Variants in ADAMTS3 observed in about 807,000 individuals in gnomAD.
ADAMTS3 encodes ADAM metallopeptidase with thrombospondin type 1 motif 3, also known as A disintegrin and metalloproteinase with thrombospondin motifs 3.
In ADAMTS3, 73 loss-of-function variants were observed where a neutral mutation model predicts 129.0. The observed-to-expected ratio is 0.57, with a 90% CI of 0.47 to 0.69. The LOEUF (loss-of-function observed/expected upper bound fraction) is 0.69. Among genes scored for constraint, ADAMTS3 ranks in the 30% least tolerant of loss-of-function variants. ADAMTS3 has a pLI of 0.00. For synonymous variants in ADAMTS3, 477 were observed against 510.8 expected, an observed-to-expected ratio of 0.93 and a Z score of 0.89; for missense variants, 1,457 against 1,514.5, an observed-to-expected ratio of 0.96 and a Z score of 0.63.
At chr4:72,465,711 T>G (rs1327366147) in intron 3 of ADAMTS3, among the ~76,000 whole-genome samples, 1 of 151,380 alleles carries the variant, frequency 6.6e-6, no homozygotes, top group South Asian at 2.1e-4. Context: ...GTTGATATGG[T>G]TTCCCTGTGT....
chr4:72,284,948 C>A (rs183524028), intron 21 of ADAMTS3, among the ~76,000 whole-genome samples: 1 of 152,166 alleles, frequency 6.6e-6, no homozygotes, highest in Non-Finnish European at 1.5e-5. Context: ...GAGTAGCATC[C>A]CTGCATATGT....
At position 72,319,412 on chromosome 4, in the gene ADAMTS3, G is replaced by A; in HGVS notation, c.1272C>T (p.Val424=). The change falls in exon 9 of 22, where the codon GTC becomes GTT. Residue 424 remains valine (V), a synonymous_variant. Transcript: ENST00000286657. ...RCGDETAMGS[V]MAPLVQAAFH... ...ATGCTGCTTGTACCAAGGGAGCCAT[G>A]ACACTTCCCATAGCAGTCTCATCAC... is the stretch of plus-strand genomic sequence containing the variant. 6.2e-7 allele frequency: 1 copy of A among 1,613,978 alleles called. No individual in the cohort carries two copies. Among genetic ancestry groups the A allele is most frequent in the Non-Finnish European group, 8.5e-7 (1 of 1,179,936 alleles).
chr4:72,454,402 G>A (rs1718488358), intron 3 of ADAMTS3, among the ~76,000 whole-genome samples: 1 of 151,644 alleles, frequency 6.6e-6, no homozygotes, highest in South Asian at 2.1e-4. Flanking sequence ...GCATGTTTGG[G>A]TTTGAACCAC....
intron 3 of ADAMTS3, among the ~76,000 whole-genome samples, chr4:72,504,912 G>C (rs1339438555): frequency 6.6e-6 from 1 of 152,130 alleles, no homozygotes; most frequent in East Asian, 1.9e-4. Flanking sequence ...AATTCCAGAA[G>C]CTCTAATTGA....
intron 4 of ADAMTS3, among the ~76,000 whole-genome samples, chr4:72,375,313 A>G (rs1721109234): frequency 6.6e-6 from 1 of 152,162 alleles, no homozygotes; most frequent in Admixed American, 6.5e-5. Context: ...CATTTCTGGG[A>G]GTTCTGTGTA....
chr4:72,356,246 A>G (rs1311112688), intron 4 of ADAMTS3, among the ~76,000 whole-genome samples: 2 of 151,976 alleles, frequency 1.3e-5, no homozygotes, highest in African/African-American at 4.8e-5. Flanking sequence ...AGCTGTTGCT[A>G]AAGTTTCTAA....
intron 3 of ADAMTS3, among the ~76,000 whole-genome samples, chr4:72,483,236 T>C (rs577015562): frequency 1.3e-5 from 2 of 152,236 alleles, no homozygotes; most frequent in South Asian, 4.2e-4. Flanking sequence ...ACAGTTTATG[T>C]AGAAAATTAT....
intron 3 of ADAMTS3, among the ~76,000 whole-genome samples, chr4:72,516,000 A>T (rs1213734499): frequency 6.6e-6 from 1 of 152,140 alleles, no homozygotes; most frequent in Non-Finnish European, 1.5e-5. Context: ...ATCCATCTTG[A>T]ATTAATTTTT....
chr4:72,361,384 A>T (rs1720723662), intron 4 of ADAMTS3, among the ~76,000 whole-genome samples: 1 of 152,160 alleles, frequency 6.6e-6, no homozygotes, highest in Non-Finnish European at 1.5e-5. Flanking sequence ...GGAAGAAGAT[A>T]AGCATAAGTG....
intron 3 of ADAMTS3, among the ~76,000 whole-genome samples, chr4:72,466,427 C>T (rs781158284): frequency 1.6e-4 from 25 of 152,010 alleles, no homozygotes; most frequent in Admixed American, 5.9e-4. Flanking sequence ...AAAGACACTA[C>T]GGCAACAAGA....
intron 4 of ADAMTS3, among the ~76,000 whole-genome samples, chr4:72,363,478 T>A (rs1720780176): frequency 6.6e-6 from 1 of 152,128 alleles, no homozygotes; most frequent in Non-Finnish European, 1.5e-5. Context: ...AATGTAGAAG[T>A]TAATGCAATG....
At chr4:72,400,338 G>GGT (rs1721878569) in intron 4 of ADAMTS3, among the ~76,000 whole-genome samples, 1 of 141,470 alleles carries the variant, frequency 7.1e-6, no homozygotes, top group African/African-American at 2.8e-5. Context: ...ATATACACAC[G>GGT]GTGTGTATAT....
chr4:72,420,953 C>A (rs558880753), intron 3 of ADAMTS3, among the ~76,000 whole-genome samples: 1 of 151,814 alleles, frequency 6.6e-6, no homozygotes, highest in Non-Finnish European at 1.5e-5. Context: ...AAAGTCATAA[C>A]CGCAATGGAT....
At chr4:72,296,186 G>GTAA (rs1718802959) in intron 18 of ADAMTS3, among the ~76,000 whole-genome samples, 1 of 151,992 alleles carries the variant, frequency 6.6e-6, no homozygotes, top group East Asian at 1.9e-4. Context: ...GGAGGGGAAA[G>GTAA]CTTAGAGGAT....
At position 72,480,613 on chromosome 4, in the gene ADAMTS3, T is replaced by C. The variant is rs571740616; in HGVS notation, c.505-65642A>G. Among the ~76,000 whole-genome samples, 9 of 151,798 alleles carry C rather than the reference T, an allele frequency of 5.9e-5. No homozygotes were observed. In the South Asian group the frequency reaches 1.7e-3, roughly 28 times the overall value. ...TAATGCTAAATGACGAGTTAATGGG[T>C]GCAGCACACCAGCATGGCACATGTA... On this transcript the variant is annotated intron_variant, in intron 3 of 21. Transcript: ENST00000286657.
Position 72,361,270 on chromosome 4 carries a change from C to T in ADAMTS3, c.662-21577G>A, listed in dbSNP as rs558017189. On this transcript the variant is annotated intron_variant, in intron 4 of 21. Coordinates refer to ENST00000286657, the MANE Select transcript of ADAMTS3 (RefSeq NM_014243.3). ...TGTAACAATGAAAATTATATTATCT[C>T]ACAAATTGTTATGTGAAATAAATGA... 2.6e-5 allele frequency among the ~76,000 whole-genome samples: 4 copies of T among 152,194 alleles called. No homozygotes were observed. The South Asian group carries it at 8.3e-4, about 32-fold the overall frequency.
chr4:72,328,731 T>C, intron 5 of ADAMTS3, among the ~76,000 whole-genome samples: 1 of 152,158 alleles, frequency 6.6e-6, no homozygotes, highest in East Asian at 1.9e-4. Context: ...CTATTATTCA[T>C]ATAGAAGCAA....
At chr4:72,427,579 G>T (rs1243611348) in intron 3 of ADAMTS3, among the ~76,000 whole-genome samples, 1 of 151,608 alleles carries the variant, frequency 6.6e-6, no homozygotes, top group Admixed American at 6.6e-5. Flanking sequence ...AAAGAGATGA[G>T]TAAAGAAAAC....
chr4:72,480,341 T>C (rs1368744146), intron 3 of ADAMTS3, among the ~76,000 whole-genome samples: 2 of 152,174 alleles, frequency 1.3e-5, no homozygotes, highest in Non-Finnish European at 2.9e-5. Context: ...GTGGCACATA[T>C]ACACCATGGA....
Sources: gnomAD v4.1 joint callset for allele counts (sites outside exome capture counted in the v4.1 genomes callset) on GRCh38, gnomAD v4.1.1 for gene constraint, MANE v1.5 for transcripts, NCBI Gene and HGNC (gene_info 2026-07-23, HGNC 2026-07-21) for gene names.